Variants in CENATAC observed in about 807,000 individuals in gnomAD.
CENATAC encodes the protein centrosomal AT-AC splicing factor.
CENATAC carries 53 observed loss-of-function variants against 53.7 expected under a neutral mutation model. The ratio of observed to expected loss-of-function variants is 0.99; its 90% CI spans 0.79 to 1.24. CENATAC has a LOEUF of 1.24. Among genes scored for constraint, CENATAC ranks in the 50% most tolerant of loss-of-function variants. CENATAC has a pLI of 0.00. For missense variants in CENATAC, 474 were observed against 417.8 expected (o/e 1.13, Z -1.17); for synonymous variants, 156 against 144.6 (o/e 1.08, Z -0.57).
Position 118,998,502 on chromosome 11 carries a change from T to C in CENATAC, c.193T>C (p.Trp65Arg), listed in dbSNP as rs1430160813. The C allele has an allele frequency of 4.3e-6, 7 of 1,612,702 alleles. No individual in the cohort carries two copies. Among genetic ancestry groups the C allele is most frequent in the Non-Finnish European group, 5.1e-6 (6 of 1,179,532 alleles). ...TGTGCCCGAACACGAGCGATGCTGC[T>C]GGTGCCTGTGCTGCGGCTGTGAGGT... ...RYVPEHERCC[W>R]CLCCGCEVRE... Residue 65 changes from tryptophan (W) to arginine (R), a missense_variant, in exon 2 of 11, where the codon TGG becomes CGG. Trp to Arg is a moderately radical substitution (Grantham distance 101, BLOSUM62 -3). Coordinates refer to ENST00000334418, the MANE Select transcript of CENATAC (RefSeq NM_198489.3).
intron 7 of CENATAC, chr11:119,012,881 G>T: frequency 4.5e-6 from 1 of 224,592 alleles, no homozygotes; most frequent in Non-Finnish European, 8.7e-6. Flanking sequence ...TATTTCAAGT[G>T]GATGTAGCAC....
Position 118,998,312 on chromosome 11 carries a change from C to A in CENATAC, c.115C>A (p.Pro39Thr), listed in dbSNP as rs372983214. ...QLKEALERLL[P>T]QVEAARKAIR... Reference sequence around the variant, plus strand: ...GAAGGAGGCTTTGGAGAGGCTCCTGCCCCAGGTGCGGAGGCAAGGCTAGAG... The same window carrying A: ...GAAGGAGGCTTTGGAGAGGCTCCTGACCCAGGTGCGGAGGCAAGGCTAGAG... Residue 39 changes from proline to threonine, a missense_variant, in exon 1 of 11, where the codon CCC becomes ACC. Pro to Thr is a conservative substitution (Grantham distance 38). Coordinates refer to ENST00000334418, the MANE Select transcript of CENATAC (RefSeq NM_198489.3). 13 of 1,609,152 alleles carry A rather than the reference C, an allele frequency of 8.1e-6. No homozygotes were observed. The African/African-American group carries it at 1.6e-4, about 20-fold the overall frequency.
chr11:119,012,016 G>A lies in CENATAC; in HGVS notation c.578+13G>A, dbSNP rs533695174. On this transcript the variant is annotated intron_variant, in intron 6 of 10. Transcript: ENST00000334418. ...AAGGGATGAACAGGTAAGACTATTA[G>A]GGAATCTCTTGTTGGGAATTTGACA... 1 of 1,613,868 alleles carries A rather than the reference G, an allele frequency of 6.2e-7. No individual in the cohort carries two copies. Among genetic ancestry groups the A allele is most frequent in the African/African-American group, 1.3e-5 (1 of 75,000 alleles).
Position 119,015,420 on chromosome 11 carries a change from G to A in CENATAC, c.919G>A (p.Gly307Arg). ...LPSFGRVWNN[G>R]RRWQSRHQFK... is the part of the protein sequence containing the mutation. ...CTCTTTTGGCCGCGTCTGGAATAAT[G>A]GACGCCGCTGGCAGTCCAGGTATGT... is the stretch of plus-strand genomic sequence containing the variant. The change falls in exon 10 of 11, where the codon GGA becomes AGA. Residue 307 changes from glycine (G) to arginine (R), a missense_variant. Transcript: ENST00000334418. The A allele has an allele frequency of 6.2e-7, 1 of 1,614,114 alleles. No homozygotes were observed. The highest frequency in any genetic ancestry group is 8.5e-7 in the Non-Finnish European group (1 of 1,179,974).
At chr11:119,009,104 A>G (rs977081905) in intron 3 of CENATAC, among the ~76,000 whole-genome samples, 3 of 152,168 alleles carry the variant, frequency 2.0e-5, no homozygotes, top group African/African-American at 7.2e-5. Context: ...ACACAGTGAC[A>G]GTCTGATCTT....
intron 3 of CENATAC, among the ~76,000 whole-genome samples, chr11:119,001,249 G>A (rs953980616): frequency 3.9e-5 from 6 of 152,120 alleles, no homozygotes; most frequent in African/African-American, 1.4e-4. Flanking sequence ...TGCAATAGGT[G>A]GCTACAAAAT....
rs782754690 is a variant in CENATAC, at chr11:119,012,131, C to G, written c.579-18C>G. On this transcript the variant is annotated intron_variant, in intron 6 of 10. Transcript: ENST00000334418. ...TGGCTCAAGGACCTCATCTGGCAGC[C>G]TGGCTCATGTTTTTCAGCCAAGTAG... 3.1e-6 allele frequency: 5 copies of G among 1,614,042 alleles called. No homozygotes were observed. The East Asian group carries it at 6.7e-5, about 22-fold the overall frequency.
At chr11:118,998,931 T>G (rs1942150444) in intron 2 of CENATAC, 80 bp from the exon 3 acceptor site, 1 of 1,087,062 alleles carries the variant, frequency 9.2e-7, no homozygotes, top group Non-Finnish European at 1.4e-6. Flanking sequence ...GATGTCAGTT[T>G]GCATTACAAA....
At chr11:119,013,116 T>A in intron 7 of CENATAC, 116 bp from the exon 8 acceptor site, 1 of 717,480 alleles carries the variant, frequency 1.4e-6, no homozygotes, top group Non-Finnish European at 2.4e-6. Flanking sequence ...ATTAGCATTG[T>A]GGCAGCAGTC....
At position 119,010,747 on chromosome 11, in the gene CENATAC, GC is replaced by G; in HGVS notation, c.384-13del. On this transcript the variant is annotated splice_polypyrimidine_tract_variant and intron_variant, in intron 3 of 10. Transcript: ENST00000334418. ...TGGGGAATGGGTTCTGGGTGGTTTT[GC>G]CCCTTTTCTTTTTAGATTCAAGAAA... The G allele has an allele frequency of 6.2e-7, 1 of 1,613,518 alleles. No individual in the cohort carries two copies. The highest frequency in any genetic ancestry group is 8.5e-7 in the Non-Finnish European group (1 of 1,179,508).
intron 7 of CENATAC, 182 bp downstream of exon 7, chr11:119,012,436 A>T: frequency 1.6e-6 from 1 of 612,032 alleles, no homozygotes; most frequent in Non-Finnish European, 2.8e-6. Flanking sequence ...TCCTATTCAC[A>T]TGTATTGACA....
At chr11:119,012,051 A>G (rs1409399752) in intron 6 of CENATAC, 48 bp downstream of exon 6, 1 of 1,613,696 alleles carries the variant, frequency 6.2e-7, no homozygotes, top group East Asian at 2.2e-5. Context: ...ATCTTAGAAC[A>G]TTCTGCAACC....
chr11:119,013,217 C>G lies in CENATAC; in HGVS notation c.685-15C>G. The G allele has an allele frequency of 6.3e-7, 1 of 1,599,872 alleles. No individual in the cohort carries two copies. ...AGACTTTAACTAGCACTTTTTTTCCCATTTCCAACTACAGGATATACCAGG... is the reference window on the plus strand; with the variant it reads ...AGACTTTAACTAGCACTTTTTTTCCGATTTCCAACTACAGGATATACCAGG... On this transcript the variant is annotated splice_polypyrimidine_tract_variant and intron_variant, in intron 7 of 10. Coordinates refer to ENST00000334418, the MANE Select transcript of CENATAC (RefSeq NM_198489.3).
intron 3 of CENATAC, among the ~76,000 whole-genome samples, chr11:119,005,563 G>A (rs1398027875): frequency 1.3e-5 from 2 of 151,014 alleles, no homozygotes; most frequent in East Asian, 3.9e-4. Flanking sequence ...TCCCACCTCA[G>A]CCTCCCAAAG....
intron 3 of CENATAC, chr11:119,010,517 G>A: frequency 2.0e-6 from 1 of 500,302 alleles, no homozygotes; most frequent in Non-Finnish European, 3.6e-6. Flanking sequence ...GATGTGTGTT[G>A]AAAATAGGGT....
rs189649668 is a variant in CENATAC at position 119,015,586 on chromosome 11, A to G, written c.987A>G (p.Thr329=). ...EAAAMKKQSH[T]EKS is the part of the protein sequence containing the mutation. ...CAGCAATGAAGAAGCAGTCACATAC[A>G]GAAAAAAGCTAATCATGCTCTCTAC... The change falls in exon 11 of 11, where the codon ACA becomes ACG. Residue 329 remains threonine, a synonymous_variant. Coordinates refer to ENST00000334418, the MANE Select transcript of CENATAC (RefSeq NM_198489.3). The G allele has an allele frequency of 1.5e-5, 25 of 1,614,048 alleles. No homozygotes were observed. Among genetic ancestry groups the G allele is most frequent in the African/African-American group, 4.0e-5 (3 of 74,892 alleles).
chr11:119,012,600 C>T (rs906461387), intron 7 of CENATAC: 18 of 214,834 alleles, frequency 8.4e-5, no homozygotes, highest in African/African-American at 4.1e-4. Context: ...TTCCATCTCC[C>T]ATATCCTGTC....
intron 5 of CENATAC, 86 bp from the exon 6 acceptor site, chr11:119,011,853 G>A: frequency 8.7e-7 from 1 of 1,151,912 alleles, no homozygotes. Context: ...TCCTTCCTGT[G>A]ATACTGGGGT....
intron 3 of CENATAC, 95 bp downstream of exon 3, chr11:118,999,204 G>A (rs1257641495): frequency 5.5e-6 from 5 of 903,008 alleles, no homozygotes; most frequent in Non-Finnish European, 7.1e-6. Flanking sequence ...AAGTTCAGGA[G>A]GGACTTACGA....
Sources: allele counts gnomAD v4.1 joint callset (sites outside exome capture counted in the v4.1 genomes callset), GRCh38; gene constraint gnomAD v4.1.1; transcripts MANE v1.5; gene names NCBI Gene and HGNC (gene_info 2026-07-23, HGNC 2026-07-21).